Variants in MAP4 observed in about 807,000 individuals in gnomAD.
MAP4 encodes microtubule-associated protein 4.
In MAP4, 76 loss-of-function variants were observed where a neutral mutation model predicts 170.2. The ratio of observed to expected loss-of-function variants is 0.45; its 90% confidence interval spans 0.37 to 0.54. The LOEUF is 0.54. MAP4 is among the 20% of genes least tolerant of loss of function. The pLI, the probability that MAP4 is intolerant of heterozygous loss-of-function variation, is 0.00. For synonymous variants in MAP4, 909 were observed against 994.5 expected, an observed-to-expected ratio of 0.91 and a Z score of 1.62; for missense variants, 2,506 against 2,748.0, an observed-to-expected ratio of 0.91 and a Z score of 1.97.
At chr3:47,998,413 G>A (rs1473555196) in intron 2 of MAP4, among the ~76,000 whole-genome samples, 2 of 152,134 alleles carry the variant, frequency 1.3e-5, no homozygotes, top group African/African-American at 4.8e-5. Flanking sequence ...TATGGTTGTT[G>A]AAACATTAGA....
At chr3:48,002,524 C>T (rs966066217) in intron 1 of MAP4, among the ~76,000 whole-genome samples, 3 of 152,046 alleles carry the variant, frequency 2.0e-5, no homozygotes, top group Non-Finnish European at 4.4e-5. Context: ...ATTGTGATGG[C>T]ACCACTGTAC....
intron 19 of MAP4, among the ~76,000 whole-genome samples, chr3:47,854,455 C>G (rs949190322): frequency 6.6e-6 from 1 of 152,164 alleles, no homozygotes; most frequent in Admixed American, 6.5e-5. Flanking sequence ...GAAGGGAAGG[C>G]CCAGGGCAGC....
chr3:48,072,617 T>C lies in MAP4; in HGVS notation c.-20+16156A>G, dbSNP rs372002400. Among the ~76,000 whole-genome samples, 22 of 152,306 alleles carry C rather than the reference T, an allele frequency of 1.4e-4. 1 individual carries two copies. The South Asian group carries it at 4.6e-3, about 32-fold the overall frequency. ...ATGTTCCTATTCTTAAATGCCTAACTTTATGATCCTTAGTATTCTGAGTTC... is the reference window on the plus strand; with the variant it reads ...ATGTTCCTATTCTTAAATGCCTAACCTTATGATCCTTAGTATTCTGAGTTC... On this transcript the variant is annotated intron_variant, in intron 1 of 18. Transcript: ENST00000360240.
chr3:47,974,970 A>T, intron 3 of MAP4: 1 of 986,544 alleles, frequency 1.0e-6, no homozygotes. Flanking sequence ...AGGAGGGAGA[A>T]GAAAAGGAAA....
chr3:48,055,789 A>G (rs1237042381), intron 1 of MAP4, among the ~76,000 whole-genome samples: 7 of 129,568 alleles, frequency 5.4e-5, no homozygotes, highest in Non-Finnish European at 1.0e-4. Flanking sequence ...CATCACATCT[A>G]GGAAGTGAGG....
chr3:47,980,593 C>A (rs1053766804), intron 2 of MAP4, among the ~76,000 whole-genome samples: 2 of 151,870 alleles, frequency 1.3e-5, no homozygotes, highest in African/African-American at 4.8e-5. Context: ...CAGTCCAAAA[C>A]CAGAATATAA....
chr3:47,971,691 G>T (rs1388452298), intron 3 of MAP4, among the ~76,000 whole-genome samples: 3 of 152,148 alleles, frequency 2.0e-5, no homozygotes, highest in Non-Finnish European at 2.9e-5. Flanking sequence ...TTGTAGTTAA[G>T]TCTTGTTAAA....
intron 3 of MAP4, among the ~76,000 whole-genome samples, chr3:47,959,582 C>T (rs1434397691): frequency 6.6e-6 from 1 of 151,768 alleles, no homozygotes; most frequent in African/African-American, 2.4e-5. Context: ...CGGTGAAACC[C>T]CGTCTCTACT....
intron 18 of MAP4, among the ~76,000 whole-genome samples, chr3:47,856,702 C>T (rs1274545842): frequency 6.6e-6 from 1 of 152,250 alleles, no homozygotes; most frequent in African/African-American, 2.4e-5. Flanking sequence ...GCTGGGATTA[C>T]AGGCATGAGA....
intron 11 of MAP4, 34 bp from the exon 12 acceptor site, chr3:47,875,934 A>T: frequency 6.7e-7 from 1 of 1,492,772 alleles, no homozygotes; most frequent in Non-Finnish European, 9.1e-7. Context: ...TTTTATTTTT[A>T]TTTTTTAAAG....
At chr3:47,947,982 C>G (rs1278815625) in intron 3 of MAP4, among the ~76,000 whole-genome samples, 1 of 151,716 alleles carries the variant, frequency 6.6e-6, no homozygotes, top group Non-Finnish European at 1.5e-5. Context: ...ACCCACTGGT[C>G]ATAACCATGA....
chr3:48,052,166 G>A (rs893638579), intron 1 of MAP4, among the ~76,000 whole-genome samples: 5 of 152,196 alleles, frequency 3.3e-5, no homozygotes, highest in African/African-American at 1.2e-4. Flanking sequence ...GGAGTTGTGA[G>A]TGCAGGGAAA....
intron 10 of MAP4, chr3:47,891,746 G>A: frequency 6.5e-7 from 1 of 1,536,718 alleles, no homozygotes; most frequent in Non-Finnish European, 8.7e-7. Flanking sequence ...CGGAATGGTG[G>A]TGGGTGAATG....
intron 1 of MAP4, among the ~76,000 whole-genome samples, chr3:48,042,078 C>T (rs1045650919): frequency 3.9e-5 from 6 of 152,246 alleles, no homozygotes; most frequent in South Asian, 2.1e-4. Context: ...TCGAGTTGTG[C>T]GAGCTGCTCT....
intron 3 of MAP4, among the ~76,000 whole-genome samples, chr3:47,972,639 C>T (rs2100079451): frequency 6.6e-6 from 1 of 152,160 alleles, no homozygotes; most frequent in Non-Finnish European, 1.5e-5. Flanking sequence ...GTAATCCCAG[C>T]ACTTTGGGAG....
chr3:47,903,228 C>T (rs2100031076), intron 9 of MAP4, among the ~76,000 whole-genome samples: 1 of 152,174 alleles, frequency 6.6e-6, no homozygotes, highest in South Asian at 2.1e-4. Context: ...ACAAAAAACA[C>T]AATCCCATAA....
At chr3:48,018,732 G>A (rs983014968), upstream of MAP4, among the ~76,000 whole-genome samples, 1 of 152,152 alleles carries the variant, frequency 6.6e-6, no homozygotes, top group Non-Finnish European at 1.5e-5. Flanking sequence ...GAACCTGGGA[G>A]GTGGAGGTTG....
rs576874974 is a variant in MAP4 at position 47,978,057 on chromosome 3, T to G, written c.224-124A>C. 2.3e-4 allele frequency: 148 copies of G among 637,060 alleles called. 1 individual carries two copies. The highest frequency in any genetic ancestry group is 2.3e-3 in the African/African-American group (128 of 55,532). 39.5% of individuals were successfully genotyped at this position (637,060 alleles called of 1,614,324 possible). A position where few individuals can be genotyped will look rare whatever the true frequency, so the allele number is the denominator to read the frequency against. ...GCATTAGGTTAAAGCAATTAAAAAC[T>G]GTTCAAAATTTAAACATTTAACAAA... On this transcript the variant is annotated intron_variant, in intron 2 of 20. Coordinates refer to ENST00000683076, the MANE Select transcript of MAP4 (RefSeq NM_001385682.1).
At chr3:47,895,261 G>A (rs1347261573) in intron 10 of MAP4, among the ~76,000 whole-genome samples, 3 of 152,184 alleles carry the variant, frequency 2.0e-5, no homozygotes, top group African/African-American at 7.2e-5. Context: ...TCACTTAATA[G>A]TTAAGAGTCT....
Sources: gnomAD v4.1 joint callset for allele counts (sites outside exome capture counted in the v4.1 genomes callset) on GRCh38, gnomAD v4.1.1 for gene constraint, MANE v1.5 for transcripts, NCBI Gene and HGNC (gene_info 2026-07-23, HGNC 2026-07-21) for gene names.